Variants in CADPS2 observed in about 807,000 individuals in gnomAD.
CADPS2 encodes calcium dependent secretion activator 2, also known as calcium-dependent secretion activator 2.
A neutral mutation model predicts 172.5 loss-of-function variants in CADPS2; 93 were observed. The ratio of observed to expected loss-of-function variants is 0.54; its 90% confidence interval spans 0.46 to 0.64. The LOEUF (loss-of-function observed/expected upper bound fraction) is 0.64. CADPS2 is among the 30% of genes least tolerant of loss of function. CADPS2 has a pLI of 0.00. For synonymous variants in CADPS2, 546 were observed against 555.2 expected (o/e 0.98, Z 0.23); for missense variants, 1,420 against 1,565.9 (o/e 0.91, Z 1.57).
chr7:122,379,530 G>A, intron 24 of CADPS2, 88 bp from the exon 25 acceptor site: 2 of 764,596 alleles, frequency 2.6e-6, no homozygotes, highest in Non-Finnish European at 4.6e-6. Context: ...TACTAGTTAT[G>A]ACCTATCAGA....
intron 1 of CADPS2, among the ~76,000 whole-genome samples, chr7:122,767,136 A>G (rs1293949558): frequency 6.6e-6 from 1 of 152,150 alleles, no homozygotes; most frequent in East Asian, 1.9e-4. Context: ...GTTTCTAGAA[A>G]TTTTATTTAA....
At chr7:122,541,171 A>G (rs1221259802) in intron 8 of CADPS2, among the ~76,000 whole-genome samples, 2 of 151,784 alleles carry the variant, frequency 1.3e-5, no homozygotes, top group Non-Finnish European at 2.9e-5. Context: ...ATACCTAAGA[A>G]TATTTTTTAA....
intron 2 of CADPS2, among the ~76,000 whole-genome samples, chr7:122,713,742 T>C (rs1222020567): frequency 1.3e-5 from 2 of 152,078 alleles, no homozygotes; most frequent in Admixed American, 1.3e-4. Context: ...GCAGCTAGTA[T>C]TTGAATGCAC....
At chr7:122,345,467 G>A (rs2150978286) in intron 28 of CADPS2, 107 bp downstream of exon 28, 3 of 673,186 alleles carry the variant, frequency 4.5e-6, no homozygotes, top group East Asian at 2.7e-5. Flanking sequence ...AGAAGATACA[G>A]GATCACAAAA....
At chr7:122,536,046 T>C (rs778179455) in intron 8 of CADPS2, among the ~76,000 whole-genome samples, 2 of 152,130 alleles carry the variant, frequency 1.3e-5, no homozygotes, top group Non-Finnish European at 2.9e-5. Flanking sequence ...GGCATCCTTA[T>C]ACAAATTGCC....
chr7:122,594,844 C>T (rs535656435), intron 6 of CADPS2, among the ~76,000 whole-genome samples: 6 of 151,720 alleles, frequency 4.0e-5, no homozygotes, highest in Middle Eastern at 3.4e-3. Context: ...TACAAAAAAG[C>T]ACAGTGCTTT....
At chr7:122,707,701 T>TA (rs2087811222) in intron 2 of CADPS2, among the ~76,000 whole-genome samples, 1 of 151,894 alleles carries the variant, frequency 6.6e-6, no homozygotes, top group Admixed American at 6.6e-5. Context: ...ATATTGACTC[T>TA]AAAGTACCTC....
intron 14 of CADPS2, among the ~76,000 whole-genome samples, chr7:122,453,160 T>C (rs1002616283): frequency 6.6e-6 from 1 of 152,188 alleles, no homozygotes; most frequent in African/African-American, 2.4e-5. Context: ...TGCAAAATAA[T>C]ATATCGACCA....
intron 20 of CADPS2, among the ~76,000 whole-genome samples, chr7:122,397,905 C>T (rs2045375362): frequency 6.6e-6 from 1 of 152,128 alleles, no homozygotes; most frequent in African/African-American, 2.4e-5. Context: ...AAAGTGATTA[C>T]CGCCTGAGGG....
intron 9 of CADPS2, among the ~76,000 whole-genome samples, chr7:122,491,891 A>T (rs1471638403): frequency 6.6e-6 from 1 of 152,184 alleles, no homozygotes; most frequent in Non-Finnish European, 1.5e-5. Flanking sequence ...GACTTTTAAC[A>T]AAGTAAAAAA....
intron 2 of CADPS2, among the ~76,000 whole-genome samples, chr7:122,669,026 T>C (rs2081484555): frequency 6.6e-6 from 1 of 152,136 alleles, no homozygotes; most frequent in African/African-American, 2.4e-5. Flanking sequence ...TGTCCTTTAG[T>C]GAGAGCTTAA....
chr7:122,884,890 A>G (rs1215549404), intron 1 of CADPS2, among the ~76,000 whole-genome samples: 1 of 152,194 alleles, frequency 6.6e-6, no homozygotes, highest in Non-Finnish European at 1.5e-5. Context: ...TTTACTCTGA[A>G]CTACAGTTAT....
chr7:122,851,553 T>C (rs1250952187), intron 1 of CADPS2, among the ~76,000 whole-genome samples: 1 of 152,202 alleles, frequency 6.6e-6, no homozygotes, highest in Non-Finnish European at 1.5e-5. Context: ...GCTCTCATGC[T>C]GCTAATAAAG....
At chr7:122,807,527 G>A (rs112388365) in intron 1 of CADPS2, among the ~76,000 whole-genome samples, 2 of 152,156 alleles carry the variant, frequency 1.3e-5, no homozygotes, top group African/African-American at 2.4e-5. Context: ...ACCCAGCCTC[G>A]GGAGGCGGCT....
intron 7 of CADPS2, among the ~76,000 whole-genome samples, chr7:122,573,272 T>C (rs544735033): frequency 6.6e-6 from 1 of 152,282 alleles, no homozygotes; most frequent in Admixed American, 6.5e-5. Flanking sequence ...CCAGGCATAG[T>C]GGCTCATGCC....
intron 1 of CADPS2, among the ~76,000 whole-genome samples, chr7:122,758,498 AT>A (rs2093257836): frequency 6.6e-6 from 1 of 152,194 alleles, no homozygotes; most frequent in Non-Finnish European, 1.5e-5. Flanking sequence ...AAGCACCATG[AT>A]TATGTGAAAT....
At chr7:122,674,174 CG>C (rs2082164991) in intron 2 of CADPS2, among the ~76,000 whole-genome samples, 1 of 152,136 alleles carries the variant, frequency 6.6e-6, no homozygotes, top group African/African-American at 2.4e-5. Context: ...GTCCTGCAAG[CG>C]CCCCGCACAG....
rs940632816 is a variant in CADPS2 at position 122,708,569 on chromosome 7, A to C, written c.453+28386T>G. 7.1e-5 allele frequency among the ~76,000 whole-genome samples: 9 copies of C among 126,458 alleles called. 1 individual carries two copies. Among genetic ancestry groups the C allele is most frequent in the Middle Eastern group, 4.4e-3 (1 of 228 alleles). The allele number at this position is 126,458 out of a possible 152,430, so 83.0% of individuals were successfully genotyped here. A position where few individuals can be genotyped will look rare whatever the true frequency, so the allele number is the denominator to read the frequency against. ...TATATATATATATATATATATATAT[A>C]TATCTTCCTTGCTCTTAGCAATCAT... On this transcript the variant is annotated intron_variant, in intron 2 of 29. Transcript: ENST00000449022.
intron 3 of CADPS2, among the ~76,000 whole-genome samples, chr7:122,658,076 A>G (rs1464202782): frequency 3.3e-5 from 5 of 152,190 alleles, no homozygotes; most frequent in African/African-American, 7.2e-5. Flanking sequence ...AAAAGTGGGC[A>G]AAGGATATGA....
Sources: gnomAD v4.1 joint callset for allele counts (sites outside exome capture counted in the v4.1 genomes callset) on GRCh38, gnomAD v4.1.1 for gene constraint, MANE v1.5 for transcripts, NCBI Gene and HGNC (gene_info 2026-07-23, HGNC 2026-07-21) for gene names.